SAMMSON: variants seen among roughly 807,000 people sequenced by gnomAD.
The protein encoded by SAMMSON is long intergenic non-protein coding RNA 1212.
intron 4 of SAMMSON, among the ~76,000 whole-genome samples, chr3:70,189,419 T>C (rs780863690): frequency 6.6e-6 from 1 of 152,204 alleles, no homozygotes; most frequent in Non-Finnish European, 1.5e-5. Flanking sequence ...TGTTCACTGA[T>C]TATTCCTACA....
chr3:70,211,248 C>G (rs1444656823), intron 4 of SAMMSON, among the ~76,000 whole-genome samples: 1 of 151,416 alleles, frequency 6.6e-6, no homozygotes, highest in African/African-American at 2.4e-5. Context: ...CCTTTTCCTT[C>G]CTTTCTGCTT....
At chr3:70,403,743 A>G (rs1701158767) in intron 2 of SAMMSON, among the ~76,000 whole-genome samples, 1 of 152,208 alleles carries the variant, frequency 6.6e-6, no homozygotes, top group Non-Finnish European at 1.5e-5. Context: ...TTATAATAGG[A>G]TACTAAATGT....
intron 9 of SAMMSON, among the ~76,000 whole-genome samples, chr3:70,368,137 A>C (rs1702935737): frequency 6.6e-6 from 1 of 151,374 alleles, no homozygotes; most frequent in Non-Finnish European, 1.5e-5. Context: ...TATTTTAAAA[A>C]TGTTTTCTTC....
chr3:70,392,562 A>G (rs1389332882), downstream of SAMMSON, among the ~76,000 whole-genome samples: 3 of 152,114 alleles, frequency 2.0e-5, no homozygotes, highest in African/African-American at 7.2e-5. Flanking sequence ...TTCTGTCTCC[A>G]CCACTAGCCC....
chr3:70,032,854 A>G (rs1291580588), intron 3 of SAMMSON, among the ~76,000 whole-genome samples: 1 of 152,134 alleles, frequency 6.6e-6, no homozygotes, highest in Non-Finnish European at 1.5e-5. Flanking sequence ...ACCTTGGGAG[A>G]GCTCTTCTCT....
At chr3:70,327,832 C>T (rs1702590103) in intron 7 of SAMMSON, among the ~76,000 whole-genome samples, 1 of 151,934 alleles carries the variant, frequency 6.6e-6, no homozygotes, top group Non-Finnish European at 1.5e-5. Flanking sequence ...TAACACTGTC[C>T]CAGAAAAAAA....
chr3:70,397,702 C>G (rs1364435866), intron 2 of SAMMSON, among the ~76,000 whole-genome samples: 2 of 151,950 alleles, frequency 1.3e-5, no homozygotes, highest in Non-Finnish European at 2.9e-5. Flanking sequence ...AGTAAAATTA[C>G]TAGATCAAAA....
intron 3 of SAMMSON, among the ~76,000 whole-genome samples, chr3:70,052,504 G>A (rs1396262357): frequency 6.6e-6 from 1 of 152,028 alleles, no homozygotes; most frequent in Non-Finnish European, 1.5e-5. Context: ...AATTTTATTT[G>A]TACACTGCAT....
In SAMMSON at chr3:70,065,298, C is replaced by G. The variant is rs192304002; in HGVS notation, n.418-6178C>G. ...GGATACGGGGAGATAATTAACATAG[C>G]AACTCTGGCAATTTTAATAGGTGAG... On this transcript the variant is annotated intron_variant and non_coding_transcript_variant, in intron 3 of 9. Transcript: ENST00000642114. 191 of 152,196 alleles carry G rather than the reference C, an allele frequency of 1.3e-3. 2 individuals carry two copies. Among genetic ancestry groups the G allele is most frequent in the African/African-American group, 4.4e-3 (183 of 41,556 alleles). The allele number at this position is 152,196 out of a possible 1,614,324, so 9.4% of individuals were successfully genotyped here.
intron 3 of SAMMSON, among the ~76,000 whole-genome samples, chr3:70,059,774 C>A (rs1489927118): frequency 6.6e-6 from 1 of 152,004 alleles, no homozygotes; most frequent in Non-Finnish European, 1.5e-5. Context: ...AAAATTAACC[C>A]CCCCAGTTGG....
downstream of SAMMSON, among the ~76,000 whole-genome samples, chr3:70,393,794 T>A (rs1013566905): frequency 6.6e-6 from 1 of 151,954 alleles, no homozygotes; most frequent in Admixed American, 6.6e-5. Context: ...AAGGCAGAGG[T>A]AGGGGCGGAG....
At chr3:70,287,789 G>C (rs1470796107) in intron 6 of SAMMSON, among the ~76,000 whole-genome samples, 1 of 150,946 alleles carries the variant, frequency 6.6e-6, no homozygotes, top group African/African-American at 2.4e-5. Context: ...AGTCTTGGGA[G>C]AGTGTATGTG....
At chr3:70,051,134 C>CAAAAAAAAAAAAAAA (rs71126477) in intron 3 of SAMMSON, among the ~76,000 whole-genome samples, 9 of 45,234 alleles carry the variant, frequency 2.0e-4, no homozygotes, top group Non-Finnish European at 3.2e-4. Flanking sequence ...TACTCCATCT[C>CAAAAAAAAAAAAAAA]AAAAAAAAAA....
chr3:70,393,615 C>G (rs1159024905), downstream of SAMMSON, among the ~76,000 whole-genome samples: 1 of 152,034 alleles, frequency 6.6e-6, no homozygotes, highest in East Asian at 1.9e-4. Flanking sequence ...TCTAGAAAAA[C>G]AAGCTGTGAA....
At chr3:70,174,266 G>C (rs781243879) in intron 4 of SAMMSON, among the ~76,000 whole-genome samples, 26 of 151,880 alleles carry the variant, frequency 1.7e-4, no homozygotes, top group Non-Finnish European at 2.9e-4. Context: ...GTTTGTACTA[G>C]GAAACTGTAT....
chr3:70,260,950 T>C (rs1332164825), intron 6 of SAMMSON, among the ~76,000 whole-genome samples: 3 of 152,196 alleles, frequency 2.0e-5, no homozygotes, highest in Admixed American at 2.0e-4. Flanking sequence ...GGAAGATAAG[T>C]GATTTTCTCA....
intron 6 of SAMMSON, among the ~76,000 whole-genome samples, chr3:70,267,679 G>T (rs1360091112): frequency 2.7e-5 from 4 of 150,842 alleles, no homozygotes; most frequent in African/African-American, 4.9e-5. Flanking sequence ...GCCTCCCAGA[G>T]TGCTGGGATT....
intron 7 of SAMMSON, among the ~76,000 whole-genome samples, chr3:70,326,012 C>T (rs1702578517): frequency 6.6e-6 from 1 of 152,110 alleles, no homozygotes; most frequent in South Asian, 2.1e-4. Context: ...TAGAACCGCT[C>T]TCAGAACTCT....
chr3:70,108,972 T>C (rs1044539500), intron 4 of SAMMSON, among the ~76,000 whole-genome samples: 1 of 152,154 alleles, frequency 6.6e-6, no homozygotes, highest in Non-Finnish European at 1.5e-5. Flanking sequence ...AAAATCATTA[T>C]AGTATCTAAG....
Sources: allele counts gnomAD v4.1 joint callset (sites outside exome capture counted in the v4.1 genomes callset), GRCh38; gene constraint gnomAD v4.1.1; transcripts MANE v1.5; gene names NCBI Gene and HGNC (gene_info 2026-07-23, HGNC 2026-07-21).